DNMT1: variants seen among roughly 807,000 people sequenced by gnomAD.
The protein encoded by DNMT1 is DNA methyltransferase 1, also known as DNA (cytosine-5)-methyltransferase 1.
Under a neutral mutation model 205.3 loss-of-function variants are expected in DNMT1, and 24 were observed. The observed-to-expected ratio is 0.12, with a 90% CI of 0.08 to 0.16. The LOEUF (loss-of-function observed/expected upper bound fraction) is 0.16, where lower values mean the gene tolerates loss of function less well. DNMT1 is among the 10% of genes least tolerant of loss of function. The pLI is 1.00. For missense variants in DNMT1, 1,293 were observed against 2,177.7 expected, an observed-to-expected ratio of 0.59 and a Z score of 8.09; for synonymous variants, 817 against 839.8, an observed-to-expected ratio of 0.97 and a Z score of 0.47.
rs2089508834 is a variant in DNMT1, at chr19:10,137,420, T to C, written c.4294-140A>G. Reference sequence around the variant, plus strand: ...CCATCGGGAAAGAGACAGTCAGGGATATCGCACTTGGCTCGAGGCCACGGC... The same window carrying C: ...CCATCGGGAAAGAGACAGTCAGGGACATCGCACTTGGCTCGAGGCCACGGC... On this transcript the variant is annotated intron_variant, in intron 36 of 40. Coordinates refer to ENST00000359526, the MANE Select transcript of DNMT1 (RefSeq NM_001130823.3). This position sits in a 1 kb window ranked among gnomAD's most constrained non-coding sequence, Gnocchi z 6.4. 1.8e-6 allele frequency: 2 copies of C among 1,123,734 alleles called. No individual in the cohort carries two copies. The highest frequency in any genetic ancestry group is 1.5e-5 in the African/African-American group (1 of 64,754). The allele number at this position is 1,123,734 out of a possible 1,614,324, so 69.6% of individuals were successfully genotyped here.
Position 10,140,500 on chromosome 19 carries a change from G to T in DNMT1, c.3524-172C>A. 1 of 1,037,580 alleles carries T rather than the reference G, an allele frequency of 9.6e-7. No individual in the cohort carries two copies. The highest frequency in any genetic ancestry group is 1.4e-6 in the Non-Finnish European group (1 of 711,040). 64.3% of individuals were successfully genotyped at this position (1,037,580 alleles called of 1,614,324 possible). A position where few individuals can be genotyped will look rare whatever the true frequency, so the allele number is the denominator to read the frequency against. On this transcript the variant is annotated intron_variant, in intron 32 of 40. Transcript: ENST00000359526. The surrounding 1 kb of genome is among the most constrained non-coding windows in gnomAD (Gnocchi z 8.4). ...TTCTCCCACCTCAGCCTCCTGAGTA[G>T]CTGGGACTACAGGCACACACCACCA... is the stretch of plus-strand genomic sequence containing the variant.
chr19:10,144,216 T>C, intron 28 of DNMT1: 1 of 534,320 alleles, frequency 1.9e-6, no homozygotes, highest in Non-Finnish European at 3.4e-6. Flanking sequence ...GAGACCACCC[T>C]GGCCAACACG....
chr19:10,162,561 C>T (rs1453528957), intron 13 of DNMT1, 106 bp downstream of exon 13: 13 of 1,233,930 alleles, frequency 1.1e-5, no homozygotes, highest in South Asian at 4.1e-5. Context: ...TGCGCCACCA[C>T]GCCCAGTCTT....
At position 10,159,842 on chromosome 19, in the gene DNMT1, C is replaced by T. The variant is rs564055335; in HGVS notation, c.1170G>A (p.Ala390=). The change falls in exon 16 of 41, where the codon GCG becomes GCA. Residue 390 remains alanine (A), a splice_region_variant and synonymous_variant. Coordinates refer to ENST00000359526, the MANE Select transcript of DNMT1 (RefSeq NM_001130823.3). The surrounding 1 kb of genome is among the most constrained non-coding windows in gnomAD (Gnocchi z 5.0). ...AGGCTGGGAAGAGAGCTGTACGTAC[C>T]GCGTCTGGTGGGTGCTGCCCATATT... ...DLKYGQHPPD[A]VDEPQMLTNE... 12 of 1,614,180 alleles carry T rather than the reference C, an allele frequency of 7.4e-6. No homozygotes were observed. Among genetic ancestry groups the T allele is most frequent in the South Asian group, 3.3e-5 (3 of 91,084 alleles).
chr19:10,179,708 G>A (rs2039005585), intron 5 of DNMT1, among the ~76,000 whole-genome samples: 1 of 151,920 alleles, frequency 6.6e-6, no homozygotes, highest in African/African-American at 2.4e-5. Context: ...AGCCAAGTGG[G>A]GCCGGGCACG....
Position 10,159,959 on chromosome 19 carries a change from A to G in DNMT1, c.1090-37T>C. The G allele has an allele frequency of 1.2e-6, 2 of 1,614,200 alleles. No individual in the cohort carries two copies. Among genetic ancestry groups the G allele is most frequent in the Non-Finnish European group, 1.7e-6 (2 of 1,180,036 alleles). On this transcript the variant is annotated intron_variant, in intron 15 of 40. Transcript: ENST00000359526. This position sits in a 1 kb window ranked among gnomAD's most constrained non-coding sequence, Gnocchi z 5.0. ...GGAACACAGATGATGGCACTCAGAG[A>G]GCAGCTCCCAGCCGCCTCGTGAGCG...
chr19:10,177,297 T>C lies in DNMT1; in HGVS notation c.564A>G (p.Ala188=). 1 of 1,614,022 alleles carries C rather than the reference T, an allele frequency of 6.2e-7. No homozygotes were observed. The part of the protein sequence containing the change: ...TRQTTITSHF[A]KGPAKRKPQE... ...CCAATTTATCGTATACTGACCCCTT[T>C]GCAAAATGAGATGTGATGGTGGTTT... The change falls in exon 6 of 41, where the codon GCA becomes GCG. Residue 188 remains alanine, a synonymous_variant. Transcript: ENST00000359526.
chr19:10,169,609 A>G (rs958516778), intron 9 of DNMT1, among the ~76,000 whole-genome samples: 5 of 150,820 alleles, frequency 3.3e-5, no homozygotes, highest in African/African-American at 1.2e-4. Flanking sequence ...TAAAAATACA[A>G]AAAAAAATTA....
rs772176328 is a variant in DNMT1, at chr19:10,139,820, G to A, written c.3807-3C>T. On this transcript the variant is annotated splice_polypyrimidine_tract_variant and splice_region_variant and intron_variant, in intron 33 of 40. Coordinates refer to ENST00000359526, the MANE Select transcript of DNMT1 (RefSeq NM_001130823.3). Reference sequence around the variant, plus strand: ...GGGGCCGGTAGTAGTCGCAGTAGCTGTAGGGGGCAGGAGAGACTGCAGGAG... The same window carrying A: ...GGGGCCGGTAGTAGTCGCAGTAGCTATAGGGGGCAGGAGAGACTGCAGGAG... 7 of 1,573,126 alleles carry A rather than the reference G, an allele frequency of 4.4e-6. No homozygotes were observed. The Admixed American group carries it at 7.6e-5, about 17-fold the overall frequency.
chr19:10,165,610 C>A (rs1260776758), intron 11 of DNMT1, among the ~76,000 whole-genome samples: 1 of 152,132 alleles, frequency 6.6e-6, no homozygotes, highest in Non-Finnish European at 1.5e-5. Context: ...CCTGGCTGGT[C>A]TCAGACTCCT....
rs953292786 is a variant in DNMT1, at chr19:10,140,759, G to C, written c.3523+22C>G. The C allele has an allele frequency of 6.2e-7, 1 of 1,614,000 alleles. No individual in the cohort carries two copies. The highest frequency in any genetic ancestry group is 1.1e-5 in the South Asian group (1 of 91,086). The stretch of plus-strand genomic sequence containing the variant: ...GGTCTGGGCTCACCAGGTATTCAGA[G>C]ATGGAGCCTACGGGCGCTCACCTGC... On this transcript the variant is annotated intron_variant, in intron 32 of 40. Transcript: ENST00000359526. This position sits in a 1 kb window ranked among gnomAD's most constrained non-coding sequence, Gnocchi z 8.4.
Position 10,138,145 on chromosome 19 carries a change from T to C in DNMT1, c.4116-136A>G, listed in dbSNP as rs2089530128. Reference sequence around the variant, plus strand: ...CTGCCCGAGGTCACATGGGTGGCAGTGTGCCTGGATGCCATCTGGAAGGGG... The same window carrying C: ...CTGCCCGAGGTCACATGGGTGGCAGCGTGCCTGGATGCCATCTGGAAGGGG... On this transcript the variant is annotated intron_variant, in intron 35 of 40. Transcript: ENST00000359526. The surrounding 1 kb of genome is among the most constrained non-coding windows in gnomAD (Gnocchi z 4.1). The C allele has an allele frequency of 3.4e-6, 4 of 1,170,550 alleles. No individual in the cohort carries two copies. In the African/African-American group the frequency reaches 4.5e-5, roughly 13 times the overall value. The allele number at this position is 1,170,550 out of a possible 1,614,324, so 72.5% of individuals were successfully genotyped here. A position where few individuals can be genotyped will look rare whatever the true frequency, so the allele number is the denominator to read the frequency against.
chr19:10,144,367 C>G (rs553238105), intron 28 of DNMT1: 1 of 327,118 alleles, frequency 3.1e-6, no homozygotes, highest in Non-Finnish European at 6.0e-6. Context: ...GAGATTGTGC[C>G]ACTGCACTCC....
rs886527405 is a variant in DNMT1 at position 10,147,839 on chromosome 19, C to T, written c.2720+1045G>A. Among the ~76,000 whole-genome samples, 8 of 151,758 alleles carry T rather than the reference C, an allele frequency of 5.3e-5. No homozygotes were observed. The South Asian group carries it at 1.5e-3, about 28-fold the overall frequency. On this transcript the variant is annotated intron_variant, in intron 27 of 40. Coordinates refer to ENST00000359526, the MANE Select transcript of DNMT1 (RefSeq NM_001130823.3). ...CATTAAAAAATAAAAGCTCGCCGGG[C>T]GCGGTGGCTCACACCTGTAATCCCA...
chr19:10,178,635 T>A (rs1221211661), intron 5 of DNMT1: 1 of 152,542 alleles, frequency 6.6e-6, no homozygotes, highest in Non-Finnish European at 1.5e-5. Flanking sequence ...GCGCCTGTAG[T>A]CCCAGCTACT....
chr19:10,189,576 C>T (rs921200914), intron 1 of DNMT1, among the ~76,000 whole-genome samples: 1 of 151,636 alleles, frequency 6.6e-6, no homozygotes, highest in African/African-American at 2.4e-5. Flanking sequence ...CATGCCACCA[C>T]TTTTGGCTTT....
chr19:10,189,557 C>T (rs912609486), intron 1 of DNMT1, among the ~76,000 whole-genome samples: 10 of 151,642 alleles, frequency 6.6e-5, no homozygotes, highest in African/African-American at 2.4e-4. Context: ...GTAGCTGGGA[C>T]CCCAGGTGCA....
chr19:10,194,367 C>T (rs575260456), intron 1 of DNMT1, among the ~76,000 whole-genome samples: 2 of 152,166 alleles, frequency 1.3e-5, no homozygotes, highest in African/African-American at 2.4e-5. Flanking sequence ...GGACCCCCCA[C>T]CACAGAAGCG....
intron 13 of DNMT1, 101 bp from the exon 14 acceptor site, chr19:10,160,519 C>T (rs540196498): frequency 7.5e-7 from 1 of 1,332,556 alleles, no homozygotes; most frequent in South Asian, 1.2e-5. Context: ...TATCATAAAA[C>T]AGAGAGAAGG....
Sources: allele counts gnomAD v4.1 joint callset (sites outside exome capture counted in the v4.1 genomes callset), GRCh38; gene constraint gnomAD v4.1.1; non-coding constraint Gnocchi (gnomAD v3.1); transcripts MANE v1.5; gene names NCBI Gene and HGNC (gene_info 2026-07-23, HGNC 2026-07-21).